The following HSF2BP variants were observed in gnomAD, a reference collection of about 807,000 sequenced individuals.
The protein encoded by HSF2BP is heat shock transcription factor 2 binding protein.
HSF2BP carries 35 observed loss-of-function variants against 35.0 expected under a neutral mutation model. That is an observed-to-expected ratio of 1.00 (90% confidence interval 0.76 to 1.32). The LOEUF (loss-of-function observed/expected upper bound fraction) is 1.32, where lower values mean the gene tolerates loss of function less well. Ranked by LOEUF, HSF2BP falls within the 40% of genes most tolerant of loss-of-function variation. The pLI, the probability that HSF2BP is intolerant of heterozygous loss-of-function variation, is 0.00. For missense variants in HSF2BP, 326 were observed against 321.7 expected (o/e 1.01, Z -0.10); for synonymous variants, 114 against 117.4 (o/e 0.97, Z 0.18).
At chr21:43,467,739 CAA>C in the HSF2BP span, among the ~76,000 whole-genome samples, 3 of 108,894 alleles carry the variant, frequency 2.8e-5, no homozygotes, top group African/African-American at 1.2e-4. Context: ...CACCACACCA[CAA>C]ACCACACACC....
At chr21:43,619,355 T>C (rs1186569180) in intron 6 of HSF2BP, among the ~76,000 whole-genome samples, 1 of 152,188 alleles carries the variant, frequency 6.6e-6, no homozygotes, top group Non-Finnish European at 1.5e-5. Flanking sequence ...AATTAAAATA[T>C]GGGCAACAAG....
At chr21:43,576,079 C>T (rs1482576864) in intron 8 of HSF2BP, among the ~76,000 whole-genome samples, 2 of 145,878 alleles carry the variant, frequency 1.4e-5, no homozygotes, top group Non-Finnish European at 3.0e-5. Flanking sequence ...GATCGCGCAA[C>T]TGCACGCCAG....
At chr21:43,574,506 C>T (rs953380320) in intron 8 of HSF2BP, among the ~76,000 whole-genome samples, 17 of 152,090 alleles carry the variant, frequency 1.1e-4, no homozygotes, top group Non-Finnish European at 1.6e-4. Flanking sequence ...TACAGGCACC[C>T]GCCACCACGC....
chr21:43,580,776 C>T (rs1475987614), intron 8 of HSF2BP, among the ~76,000 whole-genome samples: 1 of 152,188 alleles, frequency 6.6e-6, no homozygotes, highest in Non-Finnish European at 1.5e-5. Context: ...AAATATTTTG[C>T]TTTTCTATCA....
chr21:43,639,100 A>G (rs2082603150), intron 4 of HSF2BP, among the ~76,000 whole-genome samples: 1 of 152,210 alleles, frequency 6.6e-6, no homozygotes, highest in Non-Finnish European at 1.5e-5. Flanking sequence ...TAAGCCAAAG[A>G]AAAAAATATT....
Position 43,613,013 on chromosome 21 carries a change from A to G in HSF2BP, c.692+817T>C, listed in dbSNP as rs866244379. 2.6e-5 allele frequency among the ~76,000 whole-genome samples: 4 copies of G among 152,340 alleles called. 1 individual carries two copies. In the South Asian group the frequency reaches 6.2e-4, roughly 24 times the overall value. ...TTAAGGTTACTAACCAGCTGACTCA[A>G]GAGTTAATCAAAAGGAGTTTATCCA... is the stretch of plus-strand genomic sequence containing the variant. On this transcript the variant is annotated intron_variant, in intron 7 of 8. Transcript: ENST00000291560.
At chr21:43,617,142 C>T (rs1023067154) in intron 6 of HSF2BP, among the ~76,000 whole-genome samples, 10 of 151,844 alleles carry the variant, frequency 6.6e-5, no homozygotes, top group Admixed American at 3.9e-4. Context: ...TGTAGACCCA[C>T]GAGCAAGATA....
At chr21:43,607,905 T>A (rs2082154108) in intron 7 of HSF2BP, among the ~76,000 whole-genome samples, 2 of 152,176 alleles carry the variant, frequency 1.3e-5, no homozygotes, top group Non-Finnish European at 2.9e-5. Context: ...TGTAAACGAA[T>A]GAAACTGGAC....
the HSF2BP span, among the ~76,000 whole-genome samples, chr21:43,506,161 G>A: frequency 7.7e-6 from 1 of 130,168 alleles, no homozygotes; most frequent in Non-Finnish European, 1.7e-5. Flanking sequence ...ACTGGGGAGA[G>A]GCCCTGCCTC....
intron 3 of HSF2BP, among the ~76,000 whole-genome samples, chr21:43,652,730 GC>G (rs2082806244): frequency 6.6e-6 from 1 of 152,136 alleles, no homozygotes; most frequent in South Asian, 2.1e-4. Flanking sequence ...GCCTTAGGAG[GC>G]CACAGTAAAC....
intron 5 of HSF2BP, among the ~76,000 whole-genome samples, chr21:43,632,134 C>CACAG (rs2082476357): frequency 1.6e-5 from 1 of 61,898 alleles, no homozygotes; most frequent in African/African-American, 7.4e-5. Context: ...AACACACACA[C>CACAG]GCTCCCACAC....
At chr21:43,625,167 C>T (rs556999947) in intron 6 of HSF2BP, among the ~76,000 whole-genome samples, 2 of 152,050 alleles carry the variant, frequency 1.3e-5, no homozygotes, top group Non-Finnish European at 2.9e-5. Flanking sequence ...CCATTCTTTC[C>T]GGGGGCAGAG....
intron 3 of HSF2BP, among the ~76,000 whole-genome samples, chr21:43,653,040 C>A (rs1322078022): frequency 6.6e-6 from 1 of 151,948 alleles, no homozygotes; most frequent in Non-Finnish European, 1.5e-5. Flanking sequence ...GAGACTGAGG[C>A]AAGAGAATCG....
chr21:43,613,807 C>T (rs2146922238), intron 7 of HSF2BP, 23 bp downstream of exon 7: 1 of 1,489,234 alleles, frequency 6.7e-7, no homozygotes, highest in East Asian at 2.3e-5. Flanking sequence ...ATAGAATTAA[C>T]TTTTTAACAT....
At chr21:43,595,157 G>C (rs1339926616) in intron 7 of HSF2BP, among the ~76,000 whole-genome samples, 2 of 152,158 alleles carry the variant, frequency 1.3e-5, no homozygotes. Flanking sequence ...AACTACTAGA[G>C]AGGCTGAGGC....
chr21:43,628,086 C>T (rs1456141248), intron 6 of HSF2BP, among the ~76,000 whole-genome samples: 2 of 152,114 alleles, frequency 1.3e-5, no homozygotes, highest in Non-Finnish European at 2.9e-5. Context: ...CTTGCTATTC[C>T]CTGAGACACA....
chr21:43,600,308 T>C (rs1182379848), intron 7 of HSF2BP, among the ~76,000 whole-genome samples: 1 of 152,044 alleles, frequency 6.6e-6, no homozygotes, highest in Non-Finnish European at 1.5e-5. Flanking sequence ...CAAAACAAAC[T>C]AGCAATAAAA....
chr21:43,605,011 CCA>C (rs1174719559), intron 7 of HSF2BP, among the ~76,000 whole-genome samples: 1 of 137,794 alleles, frequency 7.3e-6, no homozygotes, highest in Non-Finnish European at 1.6e-5. Context: ...ACATCAGACA[CCA>C]CACACACATC....
At chr21:43,642,863 G>A (rs1342788477) in intron 4 of HSF2BP, among the ~76,000 whole-genome samples, 6 of 131,854 alleles carry the variant, frequency 4.6e-5, no homozygotes, top group Admixed American at 9.0e-5. Context: ...GCAGTGGCAC[G>A]ATTTCGGCTC....
Sources: gnomAD v4.1 joint callset for allele counts (sites outside exome capture counted in the v4.1 genomes callset) on GRCh38, gnomAD v4.1.1 for gene constraint, MANE v1.5 for transcripts, NCBI Gene and HGNC (gene_info 2026-07-23, HGNC 2026-07-21) for gene names.